Variants in PCDH15 observed in about 807,000 individuals in gnomAD.
PCDH15 encodes the protein protocadherin related 15.
Under a neutral mutation model 178.5 loss-of-function variants are expected in PCDH15, and 129 were observed. That is an observed-to-expected ratio of 0.72 (90% CI 0.63 to 0.84). The LOEUF (loss-of-function observed/expected upper bound fraction) is 0.84. PCDH15 is among the 40% of genes least tolerant of loss of function. The pLI, the probability that PCDH15 is intolerant of heterozygous loss-of-function variation, is 0.00. For synonymous variants in PCDH15, 800 were observed against 732.0 expected, an observed-to-expected ratio of 1.09 and a Z score of -1.50; for missense variants, 2,230 against 2,099.9, an observed-to-expected ratio of 1.06 and a Z score of -1.21.
intron 2 of PCDH15, among the ~76,000 whole-genome samples, chr10:54,602,884 A>T (rs1011929915): frequency 6.6e-6 from 1 of 151,880 alleles, no homozygotes; most frequent in Non-Finnish European, 1.5e-5. Context: ...TTTATTGAGC[A>T]TTTCTGAGTC....
At chr10:53,857,708 G>A (rs776398347) in intron 27 of PCDH15, among the ~76,000 whole-genome samples, 6 of 151,936 alleles carry the variant, frequency 3.9e-5, no homozygotes, top group East Asian at 1.9e-4. Flanking sequence ...ATTCTATGAG[G>A]TCATCACATA....
chr10:54,608,991 A>T (rs976043631), intron 2 of PCDH15, among the ~76,000 whole-genome samples: 1 of 152,116 alleles, frequency 6.6e-6, no homozygotes, highest in Non-Finnish European at 1.5e-5. Context: ...TAGAAGCAAC[A>T]TGAATGATAA....
In PCDH15 at chr10:54,133,674, A is replaced by G. The variant is rs1050755920; in HGVS notation, c.1785-667T>C. Among the ~76,000 whole-genome samples the G allele has an allele frequency of 5.9e-5, 9 of 152,312 alleles. 1 individual carries two copies. In the South Asian group the frequency reaches 1.7e-3, roughly 28 times the overall value. On this transcript the variant is annotated intron_variant, in intron 14 of 37. Transcript: ENST00000644397. ...TACCTTATCATTACAAGGAAAAAAAATTAGCATTGACATAGTCAACTTCTT... is the reference window on the plus strand; with the variant it reads ...TACCTTATCATTACAAGGAAAAAAAGTTAGCATTGACATAGTCAACTTCTT...
intron 2 of PCDH15, among the ~76,000 whole-genome samples, chr10:54,946,715 G>A (rs1362516705): frequency 6.6e-6 from 1 of 151,774 alleles, no homozygotes; most frequent in Non-Finnish European, 1.5e-5. Flanking sequence ...ATTTTCTCTA[G>A]TAAATTTAAG....
chr10:54,145,443 A>G (rs1057305892), intron 14 of PCDH15, among the ~76,000 whole-genome samples: 3 of 152,042 alleles, frequency 2.0e-5, no homozygotes, highest in Admixed American at 2.0e-4. Context: ...TTCTACCAAT[A>G]TTGTGCTAGA....
chr10:55,416,761 A>G (rs534163481), intron 2 of PCDH15, among the ~76,000 whole-genome samples: 1 of 151,940 alleles, frequency 6.6e-6, no homozygotes, highest in East Asian at 1.9e-4. Flanking sequence ...AAAGCAATCA[A>G]AAGTTTACTT....
chr10:55,603,685 A>G (rs1843139827), intron 2 of PCDH15, among the ~76,000 whole-genome samples: 1 of 150,078 alleles, frequency 6.7e-6, no homozygotes, highest in South Asian at 2.1e-4. Flanking sequence ...TTTACAGACA[A>G]GCAAATGCTG....
At chr10:54,338,139 G>A (rs1444465253) in intron 6 of PCDH15, among the ~76,000 whole-genome samples, 1 of 152,148 alleles carries the variant, frequency 6.6e-6, no homozygotes, top group African/African-American at 2.4e-5. Flanking sequence ...GTGTTTGGTT[G>A]GGTTTTGAAA....
At chr10:54,355,642 A>C (rs1287317520) in intron 5 of PCDH15, among the ~76,000 whole-genome samples, 1 of 152,050 alleles carries the variant, frequency 6.6e-6, no homozygotes, top group Non-Finnish European at 1.5e-5. Flanking sequence ...AAGATAAATT[A>C]TTTTGGGCCC....
chr10:54,989,828 C>T (rs1364744919), intron 2 of PCDH15, among the ~76,000 whole-genome samples: 1 of 152,046 alleles, frequency 6.6e-6, no homozygotes, highest in Non-Finnish European at 1.5e-5. Flanking sequence ...TGGCTGTTTC[C>T]CCACACAAAT....
chr10:55,375,752 G>A (rs1273478624), intron 2 of PCDH15, among the ~76,000 whole-genome samples: 1 of 151,930 alleles, frequency 6.6e-6, no homozygotes, highest in Admixed American at 6.6e-5. Flanking sequence ...TAATAAGCCA[G>A]ATGATTTTTT....
intron 2 of PCDH15, among the ~76,000 whole-genome samples, chr10:55,444,029 C>G (rs1839258179): frequency 6.6e-6 from 1 of 151,404 alleles, no homozygotes; most frequent in Non-Finnish European, 1.5e-5. Context: ...CAAACTAACA[C>G]AGGAACAAAA....
chr10:55,363,231 T>G (rs938827848), intron 2 of PCDH15, among the ~76,000 whole-genome samples: 21 of 152,326 alleles, frequency 1.4e-4, no homozygotes, highest in African/African-American at 4.8e-4. Context: ...TATCAATTTT[T>G]AATAGCTCTT....
At chr10:54,245,954 T>C (rs1176353667) in intron 8 of PCDH15, among the ~76,000 whole-genome samples, 5 of 151,946 alleles carry the variant, frequency 3.3e-5, no homozygotes, top group Non-Finnish European at 7.4e-5. Flanking sequence ...AATCAATAGT[T>C]CACAGTCTGA....
chr10:55,171,564 T>G (rs950165187), intron 1 of PCDH15, among the ~76,000 whole-genome samples: 1 of 151,952 alleles, frequency 6.6e-6, no homozygotes, highest in African/African-American at 2.4e-5. Context: ...AAAAGAAAAA[T>G]GGAAAGAAAT....
chr10:54,785,702 G>A (rs906729809), intron 1 of PCDH15, among the ~76,000 whole-genome samples: 4 of 151,892 alleles, frequency 2.6e-5, no homozygotes, highest in African/African-American at 9.7e-5. Flanking sequence ...TGAGACAAGG[G>A]GGAAAAAAGC....
intron 1 of PCDH15, among the ~76,000 whole-genome samples, chr10:55,287,608 C>G (rs1272411318): frequency 1.3e-5 from 2 of 151,870 alleles, no homozygotes; most frequent in Non-Finnish European, 2.9e-5. Flanking sequence ...ATGCTAGATG[C>G]TGCTCTCTCT....
At chr10:54,836,395 CCACACT>C (rs1291332403) in intron 3 of PCDH15, among the ~76,000 whole-genome samples, 7 of 152,088 alleles carry the variant, frequency 4.6e-5, no homozygotes, top group African/African-American at 1.7e-4. Flanking sequence ...ACACCCACAC[CCACACT>C]CATAGCTGTA....
chr10:55,608,753 T>C (rs1017052348), intron 2 of PCDH15, among the ~76,000 whole-genome samples: 1 of 151,718 alleles, frequency 6.6e-6, no homozygotes, highest in Non-Finnish European at 1.5e-5. Flanking sequence ...AGAAAAGAAG[T>C]GTAACTATGT....
Sources: allele counts gnomAD v4.1 joint callset (sites outside exome capture counted in the v4.1 genomes callset), GRCh38; gene constraint gnomAD v4.1.1; transcripts MANE v1.5; gene names NCBI Gene and HGNC (gene_info 2026-07-23, HGNC 2026-07-21).